Variants in PRH1 observed in about 807,000 individuals in gnomAD.
PRH1 encodes salivary acidic proline-rich phosphoprotein 1/2.
Under a neutral mutation model 7.9 loss-of-function variants are expected in PRH1, and 7 were observed. The observed-to-expected ratio is 0.89, with a 90% confidence interval of 0.50 to 1.67. The LOEUF is 1.67. Ranked by LOEUF, PRH1 falls within the 40% of genes most tolerant of loss-of-function variation. The pLI is 0.00. For synonymous variants in PRH1, 45 were observed against 80.8 expected (o/e 0.56, Z 2.38); for missense variants, 109 against 223.6 (o/e 0.49, Z 3.27).
chr12:10,938,607 G>C (rs35804287), intron 2 of PRH1: 2 of 1,613,734 alleles, frequency 1.2e-6, no homozygotes, highest in Admixed American at 1.7e-5. Flanking sequence ...GAGAAGATGA[G>C]GAGAAGAAAC....
chr12:11,115,081 T>C (rs572761045), intron 1 of PRH1, among the ~76,000 whole-genome samples: 1 of 152,052 alleles, frequency 6.6e-6, no homozygotes, highest in Admixed American at 6.6e-5. Flanking sequence ...TGGGCTAAAC[T>C]CTCCAATCAA....
At chr12:11,054,929 C>G (rs924631499) in intron 1 of PRH1, among the ~76,000 whole-genome samples, 4 of 149,008 alleles carry the variant, frequency 2.7e-5, no homozygotes, top group Admixed American at 6.7e-5. Flanking sequence ...CTCCGCCTCA[C>G]TGCAAGCTCC....
chr12:10,975,988 CCA>C (rs1383257226), intron 1 of PRH1, among the ~76,000 whole-genome samples: 3 of 152,032 alleles, frequency 2.0e-5, no homozygotes, highest in Non-Finnish European at 4.4e-5. Flanking sequence ...ATTCAACACC[CCA>C]CAGACAGCAT....
chr12:11,106,037 T>C (rs1945403509), intron 1 of PRH1, among the ~76,000 whole-genome samples: 1 of 84,704 alleles, frequency 1.2e-5, no homozygotes, highest in Admixed American at 1.2e-4. Flanking sequence ...GCCTCTTGGG[T>C]TCATGCCATT....
chr12:10,885,097 T>C (rs1400765827), upstream of PRH1, among the ~76,000 whole-genome samples: 1 of 152,176 alleles, frequency 6.6e-6, no homozygotes, highest in Non-Finnish European at 1.5e-5. Flanking sequence ...ATAGAATTCA[T>C]CCTCTACTTT....
chr12:11,061,714 G>T lies in PRH1; in HGVS notation n.124-14526C>A, dbSNP rs1194846171. On this transcript the variant is annotated intron_variant and non_coding_transcript_variant, in intron 1 of 4. Coordinates refer to the PRH1 transcript ENST00000541977. ...CAGAGAACAGATTAACAGCAGAAAAGATATCAGGGTCAGAGTGAAGGGAAC... is the reference window on the plus strand; with the variant it reads ...CAGAGAACAGATTAACAGCAGAAAATATATCAGGGTCAGAGTGAAGGGAAC... 6.8e-6 allele frequency: 11 copies of T among 1,614,044 alleles called. No individual in the cohort carries two copies. Among genetic ancestry groups the T allele is most frequent in the Admixed American group, 1.7e-5 (1 of 60,000 alleles).
chr12:10,954,668 G>A (rs1937865374), intron 2 of PRH1, among the ~76,000 whole-genome samples: 1 of 152,044 alleles, frequency 6.6e-6, no homozygotes, highest in Admixed American at 6.6e-5. Flanking sequence ...ATAGAGACAG[G>A]ATTTTGCCAT....
intron 1 of PRH1, among the ~76,000 whole-genome samples, chr12:11,025,309 A>G (rs1941853336): frequency 1.3e-5 from 1 of 75,240 alleles, no homozygotes; most frequent in Non-Finnish European, 3.5e-5. Context: ...TCTGAAAAAT[A>G]TCATTTTCAA....
At chr12:10,992,927 C>G (rs1293965502) in intron 1 of PRH1, among the ~76,000 whole-genome samples, 1 of 152,198 alleles carries the variant, frequency 6.6e-6, no homozygotes, top group African/African-American at 2.4e-5. Flanking sequence ...GGTAATTCTC[C>G]TCTTCTGGCA....
At position 10,983,172 on chromosome 12, in the gene PRH1, A is replaced by C. The variant is rs566492827; in HGVS notation, c.-125-9451T>G. On this transcript the variant is annotated intron_variant, in intron 1 of 3. Transcript: ENST00000539853. Reference sequence around the variant, plus strand: ...ACAAGCCCATAGGAGTGGGGAGAGCAAACTCCTAGCGAATTAGTGGAAGAC... The same window carrying C: ...ACAAGCCCATAGGAGTGGGGAGAGCCAACTCCTAGCGAATTAGTGGAAGAC... 1.6e-4 allele frequency among the ~76,000 whole-genome samples: 24 copies of C among 152,326 alleles called. No individual in the cohort carries two copies. The South Asian group carries it at 4.8e-3, about 30-fold the overall frequency.
intron 1 of PRH1, among the ~76,000 whole-genome samples, chr12:11,110,036 T>TCA (rs1289816591): frequency 6.6e-6 from 1 of 152,002 alleles, no homozygotes; most frequent in African/African-American, 2.4e-5. Flanking sequence ...CAAATATCAA[T>TCA]AGGTGAACCA....
At chr12:11,151,498 A>C (rs1947081492) in intron 1 of PRH1, among the ~76,000 whole-genome samples, 1 of 152,188 alleles carries the variant, frequency 6.6e-6, no homozygotes, top group South Asian at 2.1e-4. Context: ...CTCCTTTTAA[A>C]CACATACGAA....
At chr12:11,068,304 A>G (rs2136198790) in intron 1 of PRH1, among the ~76,000 whole-genome samples, 1 of 152,184 alleles carries the variant, frequency 6.6e-6, no homozygotes, top group African/African-American at 2.4e-5. Context: ...TATTAAAAAT[A>G]TTTTTCTTGA....
At chr12:10,944,122 A>C (rs1314085811) in intron 2 of PRH1, among the ~76,000 whole-genome samples, 1 of 152,126 alleles carries the variant, frequency 6.6e-6, no homozygotes, top group Non-Finnish European at 1.5e-5. Context: ...GAAGAATCTC[A>C]TTGGTAGTTT....
chr12:10,912,698 T>C (rs1339796858), intron 2 of PRH1, among the ~76,000 whole-genome samples: 1 of 152,070 alleles, frequency 6.6e-6, no homozygotes. Context: ...TTATTATACT[T>C]AATTTTAAAT....
intron 1 of PRH1, among the ~76,000 whole-genome samples, chr12:11,088,007 A>C (rs549781597): frequency 1.6e-5 from 2 of 122,240 alleles, no homozygotes; most frequent in Admixed American, 1.6e-4. Flanking sequence ...TTCTCAGTTT[A>C]ATTTACATTT....
intron 1 of PRH1, among the ~76,000 whole-genome samples, chr12:11,132,639 A>G (rs1179360185): frequency 6.6e-6 from 1 of 152,276 alleles, no homozygotes; most frequent in African/African-American, 2.4e-5. Flanking sequence ...ACTTGTATTA[A>G]ATCTAATATT....
At chr12:11,129,731 G>A (rs1245760111) in intron 1 of PRH1, among the ~76,000 whole-genome samples, 1 of 152,216 alleles carries the variant, frequency 6.6e-6, no homozygotes, top group Non-Finnish European at 1.5e-5. Context: ...CCATTATGAG[G>A]GAAAATCAAA....
At chr12:11,054,239 C>T (rs1943267751) in intron 1 of PRH1, among the ~76,000 whole-genome samples, 1 of 152,144 alleles carries the variant, frequency 6.6e-6, no homozygotes, top group Non-Finnish European at 1.5e-5. Context: ...TCTTTTACCA[C>T]ATTCTAAAAA....
Sources: gnomAD v4.1 joint callset for allele counts (sites outside exome capture counted in the v4.1 genomes callset) on GRCh38, gnomAD v4.1.1 for gene constraint, MANE v1.5 for transcripts, NCBI Gene and HGNC (gene_info 2026-07-23, HGNC 2026-07-21) for gene names.